ARFIP1: variants seen among roughly 807,000 people sequenced by gnomAD.
ARFIP1 encodes the protein ARF interacting protein 1, also known as arfaptin-1.
Under a neutral mutation model 42.5 loss-of-function variants are expected in ARFIP1, and 24 were observed. The ratio of observed to expected loss-of-function variants is 0.57; its 90% CI spans 0.41 to 0.80. The LOEUF (loss-of-function observed/expected upper bound fraction) is 0.80. ARFIP1 is among the 30% of genes least tolerant of loss of function. The probability of loss-of-function intolerance (pLI) is 0.00; values close to 1 mark genes in which losing one functional copy is unlikely to be tolerated. For synonymous variants in ARFIP1, 141 were observed against 153.7 expected (o/e 0.92, Z 0.61); for missense variants, 354 against 434.0 (o/e 0.82, Z 1.64).
At chr4:152,885,311 A>G (rs746529568) in intron 7 of ARFIP1, among the ~76,000 whole-genome samples, 21 of 151,990 alleles carry the variant, frequency 1.4e-4, no homozygotes, top group African/African-American at 2.2e-4. Flanking sequence ...AATCCTCCCT[A>G]TTATGCATTG....
chr4:152,889,090 T>A (rs1736509654), intron 8 of ARFIP1, among the ~76,000 whole-genome samples: 1 of 152,154 alleles, frequency 6.6e-6, no homozygotes, highest in South Asian at 2.1e-4. Context: ...TGTGAAGTCA[T>A]GACAGGTCTT....
intron 2 of ARFIP1, among the ~76,000 whole-genome samples, chr4:152,841,242 G>A (rs1174424618): frequency 6.6e-6 from 1 of 151,978 alleles, no homozygotes; most frequent in Non-Finnish European, 1.5e-5. Context: ...CACCATGTCG[G>A]CCAGGATGGT....
chr4:152,865,792 C>T (rs959627479), intron 3 of ARFIP1, among the ~76,000 whole-genome samples: 3 of 152,006 alleles, frequency 2.0e-5, no homozygotes, highest in African/African-American at 7.2e-5. Context: ...AATTTGGTAC[C>T]ATTTTTTGAC....
chr4:152,852,090 G>A (rs1014847635), intron 2 of ARFIP1, among the ~76,000 whole-genome samples: 2 of 152,170 alleles, frequency 1.3e-5, no homozygotes, highest in East Asian at 3.8e-4. Flanking sequence ...CTAAAAGCTT[G>A]AATAAAAGGT....
At chr4:152,838,401 A>G (rs1321318493) in intron 2 of ARFIP1, among the ~76,000 whole-genome samples, 1 of 152,184 alleles carries the variant, frequency 6.6e-6, no homozygotes, top group Non-Finnish European at 1.5e-5. Context: ...CTACCCATCC[A>G]TGAGTATGGG....
intron 2 of ARFIP1, among the ~76,000 whole-genome samples, chr4:152,840,701 G>C (rs1021489227): frequency 6.8e-6 from 1 of 147,560 alleles, no homozygotes; most frequent in African/African-American, 2.5e-5. Context: ...TATCCATTCT[G>C]TGGCTCTGTA....
intron 1 of ARFIP1, among the ~76,000 whole-genome samples, chr4:152,815,738 C>CTTTTTTTT (rs1218298842): frequency 4.7e-5 from 4 of 85,548 alleles, no homozygotes; most frequent in Non-Finnish European, 6.6e-5. Context: ...CTGACCACTT[C>CTTTTTTTT]TTTTTTTTTT....
chr4:152,820,551 T>TA (rs545429825), intron 1 of ARFIP1, among the ~76,000 whole-genome samples: 3 of 152,210 alleles, frequency 2.0e-5, no homozygotes, highest in African/African-American at 7.2e-5. Context: ...TGAGGAAACT[T>TA]ACAGTCGTAG....
chr4:152,853,818 G>A (rs1341126618), intron 2 of ARFIP1, among the ~76,000 whole-genome samples: 1 of 150,690 alleles, frequency 6.6e-6, no homozygotes, highest in East Asian at 1.9e-4. Context: ...GTTGTCTCAT[G>A]TCATGAATAC....
intron 2 of ARFIP1, among the ~76,000 whole-genome samples, chr4:152,860,047 A>G (rs1056691897): frequency 6.6e-6 from 1 of 152,162 alleles, no homozygotes; most frequent in Non-Finnish European, 1.5e-5. Context: ...AGTTTTACAT[A>G]TAAGAAAATA....
intron 8 of ARFIP1, among the ~76,000 whole-genome samples, chr4:152,909,165 A>G (rs1395821003): frequency 6.6e-6 from 1 of 152,106 alleles, no homozygotes; most frequent in Non-Finnish European, 1.5e-5. Flanking sequence ...CAGGCAGATC[A>G]CCTGAGGTCA....
chr4:152,867,422 T>C (rs1578968898), intron 3 of ARFIP1, among the ~76,000 whole-genome samples: 1 of 150,644 alleles, frequency 6.6e-6, no homozygotes, highest in Non-Finnish European at 1.5e-5. Context: ...GGCAGGGAGG[T>C]TGCAGTGAGC....
At position 152,804,390 on chromosome 4, in the gene ARFIP1, T is replaced by TATATTATATATAATATAACATGTATTAC. The variant is rs1561108951; in HGVS notation, c.-10+24191_-10+24192insCATATTATATATAATATAACATGTATTA. Among the ~76,000 whole-genome samples the TATATTATATATAATATAACATGTATTAC allele has an allele frequency of 2.8e-3, 286 of 102,008 alleles. 35 individuals are homozygous for TATATTATATATAATATAACATGTATTAC. In the East Asian group the frequency reaches 0.033, roughly 12 times the overall value. The allele number at this position is 102,008 out of a possible 152,430, so 66.9% of individuals were successfully genotyped here. A position where few individuals can be genotyped will look rare whatever the true frequency, so the allele number is the denominator to read the frequency against. Reference sequence around the variant, plus strand: ...ATTATATATAATATAACATGTATTATATATTATATATAATATAACATGTAT... The same window carrying TATATTATATATAATATAACATGTATTAC: ...ATTATATATAATATAACATGTATTATATATTATATATAATATAACATGTATTACATATTATATATAATATAACATGTAT... On this transcript the variant is annotated intron_variant, in intron 1 of 8. Coordinates refer to ENST00000353617, the MANE Select transcript of ARFIP1 (RefSeq NM_001025595.3).
intron 1 of ARFIP1, among the ~76,000 whole-genome samples, chr4:152,825,705 A>C (rs746649610): frequency 2.6e-5 from 4 of 152,206 alleles, no homozygotes; most frequent in Non-Finnish European, 5.9e-5. Flanking sequence ...TAACTAAACA[A>C]AGCTTCTGCA....
At chr4:152,840,574 G>T (rs1412777879) in intron 2 of ARFIP1, among the ~76,000 whole-genome samples, 1 of 152,118 alleles carries the variant, frequency 6.6e-6, no homozygotes, top group South Asian at 2.1e-4. Flanking sequence ...AGCTATCCCT[G>T]CTCGCTTTTT....
rs1738345536 is a variant in ARFIP1, at chr4:152,906,195, TTC to T, written c.967-3865_967-3864del. 2.0e-5 allele frequency among the ~76,000 whole-genome samples: 3 copies of T among 152,216 alleles called. No individual in the cohort carries two copies. The South Asian group carries it at 6.2e-4, about 32-fold the overall frequency. ...TTTCATGACTTAATCCTTGAATCAC[TTC>T]TCTGTCCACTCTCTTAGGCGCTTAT... On this transcript the variant is annotated intron_variant, in intron 8 of 8. Transcript: ENST00000353617.
At position 152,910,232 on chromosome 4, in the gene ARFIP1, A is replaced by G; in HGVS notation, c.*13A>G. The G allele has an allele frequency of 6.2e-7, 1 of 1,605,428 alleles. No individual in the cohort carries two copies. On this transcript the variant is annotated 3_prime_UTR_variant, in exon 9 of 9. Coordinates refer to ENST00000353617, the MANE Select transcript of ARFIP1 (RefSeq NM_001025595.3). ...TGAAGAACAGTAAAATCACAGCGGAAAATAAAAAGAAAGTCGCGTTGTTAT... is the reference window on the plus strand; with the variant it reads ...TGAAGAACAGTAAAATCACAGCGGAGAATAAAAAGAAAGTCGCGTTGTTAT...
rs1207472031 is a variant in ARFIP1, at chr4:152,804,118, G to T, written c.-10+23892G>T. ...ATATATATTATATATAATATAACATGTATTATATATTATATATAATATAAC... is the reference window on the plus strand; with the variant it reads ...ATATATATTATATATAATATAACATTTATTATATATTATATATAATATAAC... On this transcript the variant is annotated intron_variant, in intron 1 of 8. Transcript: ENST00000353617. 5.4e-5 allele frequency among the ~76,000 whole-genome samples: 6 copies of T among 110,096 alleles called. 1 individual carries two copies. Among genetic ancestry groups the T allele is most frequent in the Admixed American group, 5.3e-4 (5 of 9,376 alleles). The allele number at this position is 110,096 out of a possible 152,430, so 72.2% of individuals were successfully genotyped here. A position where few individuals can be genotyped will look rare whatever the true frequency, so the allele number is the denominator to read the frequency against.
chr4:152,818,711 A>G (rs1017209317), intron 1 of ARFIP1, among the ~76,000 whole-genome samples: 1 of 152,152 alleles, frequency 6.6e-6, no homozygotes, highest in African/African-American at 2.4e-5. Flanking sequence ...GTCTCTGAAT[A>G]GGTTGGTGGC....
Sources: allele counts gnomAD v4.1 joint callset (sites outside exome capture counted in the v4.1 genomes callset), GRCh38; gene constraint gnomAD v4.1.1; transcripts MANE v1.5; gene names NCBI Gene and HGNC (gene_info 2026-07-23, HGNC 2026-07-21).